CDH23: variants seen among roughly 807,000 people sequenced by gnomAD.
CDH23 encodes cadherin-23.
Under a neutral mutation model 317.1 loss-of-function variants are expected in CDH23, and 189 were observed. That is an observed-to-expected ratio of 0.60 (90% CI 0.53 to 0.67). The LOEUF is 0.67. Ranked by LOEUF, CDH23 falls within the 30% of genes least tolerant of loss-of-function variation. The probability of loss-of-function intolerance (pLI) is 0.00; values close to 1 mark genes in which losing one functional copy is unlikely to be tolerated. For missense variants in CDH23, 4,401 were observed against 4,592.4 expected (o/e 0.96, Z 1.20); for synonymous variants, 1,839 against 1,876.8 (o/e 0.98, Z 0.52).
At chr10:71,586,236 G>T (rs1455705132) in intron 9 of CDH23, among the ~76,000 whole-genome samples, 1 of 152,128 alleles carries the variant, frequency 6.6e-6, no homozygotes, top group Non-Finnish European at 1.5e-5. Flanking sequence ...GGGCGATTCT[G>T]GTTACCACAT....
At chr10:71,463,086 C>T (rs1851086241) in intron 3 of CDH23, among the ~76,000 whole-genome samples, 1 of 152,222 alleles carries the variant, frequency 6.6e-6, no homozygotes, top group South Asian at 2.1e-4. Context: ...ACCTAGATTA[C>T]CTACTTGATT....
intron 9 of CDH23, among the ~76,000 whole-genome samples, chr10:71,598,208 C>T (rs1859987940): frequency 6.6e-6 from 1 of 152,216 alleles, no homozygotes; most frequent in Non-Finnish European, 1.5e-5. Flanking sequence ...AGAGTGAGTA[C>T]ATCTGGGCAG....
chr10:71,583,348 G>C (rs923810314), intron 9 of CDH23, among the ~76,000 whole-genome samples: 1 of 151,976 alleles, frequency 6.6e-6, no homozygotes, highest in East Asian at 1.9e-4. Context: ...CTGGTCCTGG[G>C]AGCAGCAGGG....
intron 69 of CDH23, among the ~76,000 whole-genome samples, chr10:71,814,436 C>T (rs1340755488): frequency 1.3e-5 from 2 of 152,166 alleles, no homozygotes; most frequent in Non-Finnish European, 2.9e-5. Context: ...AGGGCAGGTG[C>T]GGTGGCTCAC....
At chr10:71,460,197 G>A (rs1850909032) in intron 3 of CDH23, among the ~76,000 whole-genome samples, 1 of 152,236 alleles carries the variant, frequency 6.6e-6, no homozygotes, top group African/African-American at 2.4e-5. Context: ...GCACAGAACA[G>A]AGTGGATGAA....
intron 9 of CDH23, among the ~76,000 whole-genome samples, chr10:71,579,503 G>A (rs1589228949): frequency 6.6e-6 from 1 of 152,284 alleles, no homozygotes; most frequent in Non-Finnish European, 1.5e-5. Flanking sequence ...TCAAACTCCA[G>A]CATGCCCAAG....
intron 38 of CDH23, chr10:71,757,727 C>T (rs1400839094): frequency 2.0e-5 from 3 of 152,434 alleles, no homozygotes; most frequent in Non-Finnish European, 4.4e-5. Flanking sequence ...CAGGGCCTGC[C>T]TGGTAGCCCA....
rs778750527 is a variant in CDH23 at position 71,805,782 on chromosome 10, C to T, written c.7873-24C>T. ...TGAGATTCTTTCAGGGGTCCAGGAG[C>T]CTTCCTCCCCATGCTCCCCACAGGA... is the stretch of plus-strand genomic sequence containing the variant. On this transcript the variant is annotated intron_variant, in intron 55 of 69. Transcript: ENST00000224721. 3.1e-6 allele frequency: 5 copies of T among 1,598,612 alleles called. No homozygotes were observed. In the South Asian group the frequency reaches 5.6e-5, roughly 18 times the overall value.
intron 9 of CDH23, among the ~76,000 whole-genome samples, chr10:71,593,534 G>A (rs1859638977): frequency 6.6e-6 from 1 of 152,138 alleles, no homozygotes; most frequent in African/African-American, 2.4e-5. Context: ...ATGATATATG[G>A]GGAAATTTTT....
intron 14 of CDH23, among the ~76,000 whole-genome samples, chr10:71,656,706 G>A (rs1342755538): frequency 6.6e-6 from 1 of 152,184 alleles, no homozygotes; most frequent in Non-Finnish European, 1.5e-5. Flanking sequence ...AAGCCAGCTG[G>A]GATCCAGGTT....
At chr10:71,565,300 A>G (rs769453692) in intron 6 of CDH23, among the ~76,000 whole-genome samples, 2 of 152,098 alleles carry the variant, frequency 1.3e-5, no homozygotes, top group Non-Finnish European at 2.9e-5. Flanking sequence ...GGAGACGAAA[A>G]TTGTATTATC....
chr10:71,513,349 T>C lies in CDH23; in HGVS notation c.429+2137T>C, dbSNP rs115675094. 6.3e-3 allele frequency among the ~76,000 whole-genome samples: 962 copies of C among 152,200 alleles called. 12 individuals are homozygous for C. Among genetic ancestry groups the C allele is most frequent in the African/African-American group, 0.022 (908 of 41,522 alleles). On this transcript the variant is annotated intron_variant, in intron 6 of 69. Transcript: ENST00000224721. ...CTGAGCTGGAAACTAGCTGCCTGGC[T>C]CTGACCACAGCTGGGGTACTAGCCC...
chr10:71,681,178 C>G (rs1864631644), intron 17 of CDH23, among the ~76,000 whole-genome samples: 1 of 151,960 alleles, frequency 6.6e-6, no homozygotes, highest in African/African-American at 2.4e-5. Context: ...TGCCCCATAC[C>G]TCACCCTCCT....
chr10:71,523,869 C>T (rs995807470), intron 6 of CDH23, among the ~76,000 whole-genome samples: 18 of 152,222 alleles, frequency 1.2e-4, no homozygotes, highest in Non-Finnish European at 2.2e-4. Flanking sequence ...CTCCAGCCTC[C>T]CCTTAAAGAT....
intron 34 of CDH23, among the ~76,000 whole-genome samples, chr10:71,736,926 C>T (rs1014687288): frequency 6.6e-6 from 1 of 152,074 alleles, no homozygotes; most frequent in Non-Finnish European, 1.5e-5. Context: ...AAGCTGAGAG[C>T]GTCAGAATGC....
intron 66 of CDH23, 43 bp from the exon 67 acceptor site, chr10:71,812,437 G>A (rs770331834): frequency 1.1e-4 from 183 of 1,611,262 alleles, no homozygotes; most frequent in East Asian, 7.4e-4. Flanking sequence ...CTGTCTACTC[G>A]AGCCTTCCCT....
chr10:71,776,357 C>A (rs1840816950), intron 38 of CDH23, among the ~76,000 whole-genome samples: 1 of 152,204 alleles, frequency 6.6e-6, no homozygotes, highest in African/African-American at 2.4e-5. Context: ...AGGAAAAAAC[C>A]ATATGCAAAT....
chr10:71,671,038 C>T (rs1219738528), intron 14 of CDH23, among the ~76,000 whole-genome samples: 1 of 150,842 alleles, frequency 6.6e-6, no homozygotes. Context: ...CGGTTCACTG[C>T]AACCTCCGCT....
intron 22 of CDH23, among the ~76,000 whole-genome samples, chr10:71,699,133 C>T (rs1865495310): frequency 6.6e-6 from 1 of 152,246 alleles, no homozygotes; most frequent in Non-Finnish European, 1.5e-5. Flanking sequence ...TTGTCTTGTT[C>T]ACTGTCAAAC....
Sources: allele counts gnomAD v4.1 joint callset (sites outside exome capture counted in the v4.1 genomes callset), GRCh38; gene constraint gnomAD v4.1.1; transcripts MANE v1.5; gene names NCBI Gene and HGNC (gene_info 2026-07-23, HGNC 2026-07-21).